Variants in CDH13 observed in about 807,000 individuals in gnomAD.
The protein encoded by CDH13 is cadherin-13.
In CDH13, 24 loss-of-function variants were observed where a neutral mutation model predicts 63.8. The observed-to-expected ratio is 0.38, with a 90% CI of 0.27 to 0.53. The LOEUF is 0.53. CDH13 is among the 20% of genes least tolerant of loss of function. The probability of loss-of-function intolerance (pLI) is 0.85; values close to 1 mark genes in which losing one functional copy is unlikely to be tolerated. For synonymous variants in CDH13, 503 were observed against 355.3 expected, an observed-to-expected ratio of 1.42 and a Z score of -4.67; for missense variants, 1,049 against 903.1, an observed-to-expected ratio of 1.16 and a Z score of -2.07.
At chr16:82,993,835 C>A (rs534914506) in intron 2 of CDH13, among the ~76,000 whole-genome samples, 1 of 152,242 alleles carries the variant, frequency 6.6e-6, no homozygotes, top group Admixed American at 6.5e-5. Flanking sequence ...GGGTTATAGT[C>A]AGGTGGAATC....
At chr16:82,968,218 C>T (rs1051337725) in intron 2 of CDH13, among the ~76,000 whole-genome samples, 1 of 152,130 alleles carries the variant, frequency 6.6e-6, no homozygotes, top group Non-Finnish European at 1.5e-5. Context: ...ACCGTTTGTC[C>T]AGTGGGAAGC....
chr16:83,398,659 T>A (rs9924564), intron 6 of CDH13, among the ~76,000 whole-genome samples: 33,183 of 152,172 alleles, frequency 0.22, 3,686 homozygotes, highest in Middle Eastern at 0.3. Context: ...GAGATTATGC[T>A]TTTTTGTACT....
chr16:82,966,739 G>A lies in CDH13; in HGVS notation c.158-65271G>A, dbSNP rs7203282. Among the ~76,000 whole-genome samples, 196 of 152,184 alleles carry A rather than the reference G, an allele frequency of 1.3e-3. 1 individual carries two copies. The highest frequency in any genetic ancestry group is 4.5e-3 in the African/African-American group (185 of 41,532). On this transcript the variant is annotated intron_variant, in intron 2 of 13. Coordinates refer to ENST00000567109, the MANE Select transcript of CDH13 (RefSeq NM_001257.5). ...TAACATATTATCACATTTACTTAATGATTCCTCCCTCCCCCAACTATTGAA... is the reference window on the plus strand; with the variant it reads ...TAACATATTATCACATTTACTTAATAATTCCTCCCTCCCCCAACTATTGAA...
At chr16:83,258,509 A>G (rs950541062) in intron 5 of CDH13, among the ~76,000 whole-genome samples, 11 of 152,206 alleles carry the variant, frequency 7.2e-5, no homozygotes, top group Admixed American at 3.3e-4. Context: ...TCAAGAAGAG[A>G]GGAAGGCACT....
intron 2 of CDH13, among the ~76,000 whole-genome samples, chr16:83,021,081 C>G (rs1445186409): frequency 1.3e-5 from 2 of 152,202 alleles, no homozygotes; most frequent in Non-Finnish European, 2.9e-5. Context: ...GAAGGGATCT[C>G]TGTAAATCCG....
intron 5 of CDH13, among the ~76,000 whole-genome samples, chr16:83,318,444 G>A (rs1206744451): frequency 6.6e-6 from 1 of 152,124 alleles, no homozygotes; most frequent in Non-Finnish European, 1.5e-5. Context: ...CAATGAACCA[G>A]GGATTCACAC....
intron 6 of CDH13, among the ~76,000 whole-genome samples, chr16:83,374,226 T>G (rs1567625872): frequency 6.6e-6 from 1 of 152,212 alleles, no homozygotes; most frequent in Non-Finnish European, 1.5e-5. Context: ...AAGTCAATAG[T>G]GTGCCCCAGA....
intron 11 of CDH13, among the ~76,000 whole-genome samples, chr16:83,769,041 T>C (rs1368548587): frequency 6.6e-6 from 1 of 152,160 alleles, no homozygotes; most frequent in African/African-American, 2.4e-5. Context: ...AACGAGAAGA[T>C]GGGAGGGAAC....
At chr16:82,719,989 G>T (rs1272456443) in intron 1 of CDH13, among the ~76,000 whole-genome samples, 1 of 152,014 alleles carries the variant, frequency 6.6e-6, no homozygotes, top group Non-Finnish European at 1.5e-5. Flanking sequence ...ATAAACAAGA[G>T]TTAAATTCTT....
intron 1 of CDH13, among the ~76,000 whole-genome samples, chr16:82,821,517 T>C (rs1324213973): frequency 2.6e-5 from 4 of 152,120 alleles, no homozygotes; most frequent in Non-Finnish European, 4.4e-5. Context: ...TTTCCATAAT[T>C]GGTTAGAGCC....
At chr16:82,934,391 G>A (rs997034624) in intron 2 of CDH13, among the ~76,000 whole-genome samples, 1 of 152,132 alleles carries the variant, frequency 6.6e-6, no homozygotes, top group African/African-American at 2.4e-5. Context: ...GCTGCACACA[G>A]CTGGGGGGCC....
chr16:83,013,091 C>T (rs1030741057), intron 2 of CDH13, among the ~76,000 whole-genome samples: 6 of 152,174 alleles, frequency 3.9e-5, no homozygotes, highest in African/African-American at 1.2e-4. Flanking sequence ...AAAATATGAC[C>T]TTGGCCTACA....
intron 2 of CDH13, among the ~76,000 whole-genome samples, chr16:83,014,290 G>A (rs566648922): frequency 3.4e-4 from 47 of 140,138 alleles, no homozygotes; most frequent in African/African-American, 1.2e-3. Context: ...CCGTTAGCGT[G>A]AGGAGACAAC....
intron 5 of CDH13, among the ~76,000 whole-genome samples, chr16:83,266,014 G>A (rs1907573825): frequency 6.6e-6 from 1 of 152,008 alleles, no homozygotes; most frequent in Non-Finnish European, 1.5e-5. Flanking sequence ...TTGGCTCACT[G>A]CACCCTCTGC....
At chr16:82,936,825 G>A (rs992606546) in intron 2 of CDH13, among the ~76,000 whole-genome samples, 21 of 123,160 alleles carry the variant, frequency 1.7e-4, no homozygotes, top group African/African-American at 8.2e-4. Context: ...AAGAACAGGT[G>A]GGGAGTGGGG....
At chr16:83,379,938 T>TATATATATATATATATATATATATATAG in intron 6 of CDH13, among the ~76,000 whole-genome samples, 2 of 123,446 alleles carry the variant, frequency 1.6e-5, no homozygotes, top group African/African-American at 3.3e-5. Context: ...TATATATATA[T>TATATATATATATATATATATATATATAG]AGAGAGAGAG....
chr16:83,322,115 G>A (rs1043418069), intron 5 of CDH13, among the ~76,000 whole-genome samples: 1 of 152,172 alleles, frequency 6.6e-6, no homozygotes, highest in African/African-American at 2.4e-5. Context: ...TTACTAGGAA[G>A]CCCAGAGCCC....
chr16:83,521,223 C>T (rs1340403268), intron 7 of CDH13, among the ~76,000 whole-genome samples: 2 of 152,110 alleles, frequency 1.3e-5, no homozygotes, highest in African/African-American at 4.8e-5. Context: ...AATTATTTTT[C>T]ATCCTCTTAG....
chr16:83,032,167 T>C lies in CDH13; in HGVS notation c.315T>C (p.Asp105=), dbSNP rs757196752. 10 of 1,613,680 alleles carry C rather than the reference T, an allele frequency of 6.2e-6. No homozygotes were observed. Among genetic ancestry groups the C allele is most frequent in the Non-Finnish European group, 8.5e-6 (10 of 1,179,766 alleles). The part of the protein sequence containing the change: ...FVHARTPHAE[D]MAELVIVGGK... Reference sequence around the variant, plus strand: ...ATGCACGGACCCCCCATGCGGAAGATATGGCAGAACTCGTGATTGTCGGGG... The same window carrying C: ...ATGCACGGACCCCCCATGCGGAAGACATGGCAGAACTCGTGATTGTCGGGG... The change falls in exon 3 of 14, where the codon GAT becomes GAC. Residue 105 remains aspartate, a synonymous_variant. Coordinates refer to ENST00000567109, the MANE Select transcript of CDH13 (RefSeq NM_001257.5).
Sources: gnomAD v4.1 joint callset for allele counts (sites outside exome capture counted in the v4.1 genomes callset) on GRCh38, gnomAD v4.1.1 for gene constraint, MANE v1.5 for transcripts, NCBI Gene and HGNC (gene_info 2026-07-23, HGNC 2026-07-21) for gene names.